The following ETV6 variants were observed in gnomAD, a reference collection of about 807,000 sequenced individuals.
The protein encoded by ETV6 is transcription factor ETV6.
ETV6 carries 16 observed loss-of-function variants against 51.1 expected under a neutral mutation model. That is an observed-to-expected ratio of 0.31 (90% CI 0.21 to 0.48). The LOEUF (loss-of-function observed/expected upper bound fraction) is 0.48. Among genes scored for constraint, ETV6 ranks in the 20% least tolerant of loss-of-function variants. The pLI, the probability that ETV6 is intolerant of heterozygous loss-of-function variation, is 0.99. For synonymous variants in ETV6, 240 were observed against 224.1 expected (o/e 1.07, Z -0.64); for missense variants, 458 against 594.8 (o/e 0.77, Z 2.39).
chr12:11,893,666 A>AAAC lies in ETV6; in HGVS notation c.*2621_*2623dup. 1 of 229,258 alleles carries AAAC rather than the reference A, an allele frequency of 4.4e-6. No homozygotes were observed. Among genetic ancestry groups the AAAC allele is most frequent in the East Asian group, 6.3e-5 (1 of 15,978 alleles). 14.2% of individuals were successfully genotyped at this position (229,258 alleles called of 1,614,324 possible). On this transcript the variant is annotated 3_prime_UTR_variant, in exon 8 of 8. Coordinates refer to ENST00000396373, the MANE Select transcript of ETV6 (RefSeq NM_001987.5). ...TGCTTTCTTATGGTTCAATGTACAC[A>AAAC]AACTGTTTTATATAGAAAATGATTT...
intron 2 of ETV6, among the ~76,000 whole-genome samples, chr12:11,782,501 G>T (rs1378600703): frequency 6.6e-6 from 1 of 152,144 alleles, no homozygotes; most frequent in African/African-American, 2.4e-5. Flanking sequence ...CACACAGTAT[G>T]TGTGCATTTG....
chr12:11,735,640 G>T (rs914866598), intron 1 of ETV6, among the ~76,000 whole-genome samples: 2 of 152,122 alleles, frequency 1.3e-5, no homozygotes, highest in Admixed American at 1.3e-4. Flanking sequence ...CACTCTTGTT[G>T]CCCAGGCTGG....
At chr12:11,779,209 A>G (rs2136365914) in intron 2 of ETV6, among the ~76,000 whole-genome samples, 1 of 152,320 alleles carries the variant, frequency 6.6e-6, no homozygotes, top group Middle Eastern at 3.4e-3. Flanking sequence ...TTTAAAACTC[A>G]GCCTTTCATC....
At chr12:11,789,569 A>G (rs941493530) in intron 2 of ETV6, among the ~76,000 whole-genome samples, 1 of 152,142 alleles carries the variant, frequency 6.6e-6, no homozygotes, top group African/African-American at 2.4e-5. Context: ...ACAATTTCCA[A>G]TAGCTTCCTG....
chr12:11,826,008 T>C (rs1436955197), intron 2 of ETV6, among the ~76,000 whole-genome samples: 1 of 152,024 alleles, frequency 6.6e-6, no homozygotes, highest in African/African-American at 2.4e-5. Flanking sequence ...TAATTTATTT[T>C]GTTTTTCAAG....
At position 11,688,744 on chromosome 12, in the gene ETV6, C is replaced by G. The variant is rs78242677; in HGVS notation, c.33+38584C>G. Among the ~76,000 whole-genome samples, 196 of 152,292 alleles carry G rather than the reference C, an allele frequency of 1.3e-3. 1 individual carries two copies. Among genetic ancestry groups the G allele is most frequent in the Admixed American group, 3.1e-3 (47 of 15,296 alleles). ...GCGTGTGGAGACCCTACTAAGATAA[C>G]CATAGCCTTAGCTGCTCCTTGAGGT... On this transcript the variant is annotated intron_variant, in intron 1 of 7. Transcript: ENST00000396373.
intron 2 of ETV6, among the ~76,000 whole-genome samples, chr12:11,837,876 C>A (rs1279228670): frequency 6.6e-6 from 1 of 152,020 alleles, no homozygotes; most frequent in Non-Finnish European, 1.5e-5. Context: ...AATGGAGACC[C>A]CAAAGAGCTT....
At chr12:11,737,119 C>A (rs1044781186) in intron 1 of ETV6, among the ~76,000 whole-genome samples, 1 of 152,148 alleles carries the variant, frequency 6.6e-6, no homozygotes, top group African/African-American at 2.4e-5. Context: ...AAATCAAAGT[C>A]CAAGCTCCAG....
intron 2 of ETV6, among the ~76,000 whole-genome samples, chr12:11,816,582 G>T (rs911336838): frequency 6.6e-6 from 1 of 152,158 alleles, no homozygotes; most frequent in African/African-American, 2.4e-5. Flanking sequence ...CCTCGTTCTT[G>T]GTTCTCAGCT....
chr12:11,888,414 T>TTTTTTTA (rs1947236122), intron 7 of ETV6, among the ~76,000 whole-genome samples: 1 of 145,248 alleles, frequency 6.9e-6, no homozygotes, highest in Admixed American at 6.9e-5. Context: ...TTTTTTTTTT[T>TTTTTTTA]AGACAGAGCC....
chr12:11,660,002 T>C (rs7963043), intron 1 of ETV6, among the ~76,000 whole-genome samples: 6,299 of 152,300 alleles, frequency 0.041, 149 homozygotes, highest in Admixed American at 0.064. Flanking sequence ...TTCATTAGTA[T>C]AATAGGGAAA....
chr12:11,654,825 C>G (rs1313014591), intron 1 of ETV6, among the ~76,000 whole-genome samples: 1 of 152,124 alleles, frequency 6.6e-6, no homozygotes, highest in East Asian at 1.9e-4. Context: ...TTGGGTGGGC[C>G]GTAGGCTCTT....
At chr12:11,666,060 T>G (rs980209025) in intron 1 of ETV6, among the ~76,000 whole-genome samples, 5 of 152,130 alleles carry the variant, frequency 3.3e-5, no homozygotes, top group African/African-American at 1.2e-4. Context: ...TGTAGCTGTG[T>G]GCGGTCTTGG....
chr12:11,789,418 C>G (rs1373822447), intron 2 of ETV6, among the ~76,000 whole-genome samples: 1 of 152,168 alleles, frequency 6.6e-6, no homozygotes, highest in Non-Finnish European at 1.5e-5. Context: ...AGTTCAGATG[C>G]CATAGGTGTG....
Position 11,832,052 on chromosome 12 carries a change from T to G in ETV6, c.164-7088T>G, listed in dbSNP as rs1171926922. 2.6e-5 allele frequency among the ~76,000 whole-genome samples: 4 copies of G among 152,282 alleles called. No homozygotes were observed. The East Asian group carries it at 7.7e-4, about 29-fold the overall frequency. On this transcript the variant is annotated intron_variant, in intron 2 of 7. Transcript: ENST00000396373. Reference sequence around the variant, plus strand: ...GTATATAATGGATGAAAAAGCAACTTAATGAAAAGAAACATATAAAGGAGA... The same window carrying G: ...GTATATAATGGATGAAAAAGCAACTGAATGAAAAGAAACATATAAAGGAGA...
chr12:11,892,691 A>C lies in ETV6; in HGVS notation c.*1645A>C, dbSNP rs1313199751. On this transcript the variant is annotated 3_prime_UTR_variant, in exon 8 of 8. Transcript: ENST00000396373. ...AACTCACAGCTCCTCCGGGATACATATGTGCCCTCAGCAGCAGCTCCCAGG... is the reference window on the plus strand; with the variant it reads ...AACTCACAGCTCCTCCGGGATACATCTGTGCCCTCAGCAGCAGCTCCCAGG... The C allele has an allele frequency of 1.7e-5, 4 of 232,858 alleles. No homozygotes were observed. The highest frequency in any genetic ancestry group is 4.4e-5 in the African/African-American group (2 of 45,290). 14.4% of individuals were successfully genotyped at this position (232,858 alleles called of 1,614,324 possible). A position where few individuals can be genotyped will look rare whatever the true frequency, so the allele number is the denominator to read the frequency against.
rs58153236 is a variant in ETV6 at position 11,816,744 on chromosome 12, G to A, written c.164-22396G>A. On this transcript the variant is annotated intron_variant, in intron 2 of 7. Coordinates refer to ENST00000396373, the MANE Select transcript of ETV6 (RefSeq NM_001987.5). ...CCAGCTAAGCCAAAGGATGGTGGGG[G>A]CACCACACAACAGAGAGCTGAGTTA... Among the ~76,000 whole-genome samples the A allele has an allele frequency of 7.8e-3, 1,189 of 152,288 alleles. 13 individuals are homozygous for A. Among genetic ancestry groups the A allele is most frequent in the African/African-American group, 0.027 (1,122 of 41,550 alleles).
At chr12:11,795,126 C>G (rs530574900) in intron 2 of ETV6, among the ~76,000 whole-genome samples, 7 of 152,368 alleles carry the variant, frequency 4.6e-5, no homozygotes, top group African/African-American at 1.7e-4. Context: ...TCAATGTAAG[C>G]TGGATCTGTG....
At chr12:11,789,270 G>A (rs760423937) in intron 2 of ETV6, among the ~76,000 whole-genome samples, 9 of 152,128 alleles carry the variant, frequency 5.9e-5, no homozygotes, top group African/African-American at 1.2e-4. Flanking sequence ...CTGACCTCAC[G>A]ATTCGCCCGC....
Sources: gnomAD v4.1 joint callset for allele counts (sites outside exome capture counted in the v4.1 genomes callset) on GRCh38, gnomAD v4.1.1 for gene constraint, MANE v1.5 for transcripts, NCBI Gene and HGNC (gene_info 2026-07-23, HGNC 2026-07-21) for gene names.